Variants in ARRDC3 observed in about 807,000 individuals in gnomAD.
The protein encoded by ARRDC3 is arrestin domain-containing protein 3.
In ARRDC3, 10 loss-of-function variants were observed where a neutral mutation model predicts 47.2. That is an observed-to-expected ratio of 0.21 (90% CI 0.13 to 0.36). The LOEUF (loss-of-function observed/expected upper bound fraction) is 0.36. Among genes scored for constraint, ARRDC3 ranks in the 10% least tolerant of loss-of-function variants. The pLI is 1.00. For missense variants in ARRDC3, 381 were observed against 503.6 expected (o/e 0.76, Z 2.33); for synonymous variants, 156 against 178.3 (o/e 0.87, Z 1.00).
At chr5:91,374,337 T>G in intron 5 of ARRDC3, 61 bp from the exon 6 acceptor site, 1 of 1,450,424 alleles carries the variant, frequency 6.9e-7, no homozygotes, top group Non-Finnish European at 9.5e-7. Context: ...TTTCAAAAAC[T>G]CATAACCAAT....
Position 91,383,297 on chromosome 5 carries a change from C to T in ARRDC3, c.-205G>A. 1.9e-6 allele frequency: 1 copy of T among 525,980 alleles called. No homozygotes were observed. Among genetic ancestry groups the T allele is most frequent in the Non-Finnish European group, 3.3e-6 (1 of 304,540 alleles). 32.6% of individuals were successfully genotyped at this position (525,980 alleles called of 1,614,324 possible). A position where few individuals can be genotyped will look rare whatever the true frequency, so the allele number is the denominator to read the frequency against. On this transcript the variant is annotated 5_prime_UTR_variant, in exon 1 of 8. Transcript: ENST00000265138. ...TGCTGCTCCGCGCTCCCGCTCGTCT[C>T]AGTGGTCTCCTTACAAAGACGGGCG...
At chr5:91,380,739 A>G (rs2127077252) in intron 1 of ARRDC3, 1 of 152,414 alleles carries the variant, frequency 6.6e-6, no homozygotes, top group East Asian at 1.9e-4. Flanking sequence ...TCCATCTGAA[A>G]AGGATTTTCT....
At position 91,379,038 on chromosome 5, in the gene ARRDC3, C is replaced by A. The variant is rs116267613; in HGVS notation, c.281-263G>T. On this transcript the variant is annotated intron_variant, in intron 1 of 7. Transcript: ENST00000265138. ...TTTTATTTTTTCTAATGGAAAATGACCCAAACTGCAAAGCATCTGTTTATA... is the reference window on the plus strand; with the variant it reads ...TTTTATTTTTTCTAATGGAAAATGAACCAAACTGCAAAGCATCTGTTTATA... Among the ~76,000 whole-genome samples, 1,306 of 152,052 alleles carry A rather than the reference C, an allele frequency of 8.6e-3. 22 individuals carry two copies. The highest frequency in any genetic ancestry group is 0.03 in the African/African-American group (1,232 of 41,512).
At position 91,370,794 on chromosome 5, in the gene ARRDC3, A is replaced by G. The variant is rs1040575718; in HGVS notation, c.*606T>C. 1.3e-5 allele frequency: 2 copies of G among 152,518 alleles called. No individual in the cohort carries two copies. Among genetic ancestry groups the G allele is most frequent in the Non-Finnish European group, 2.9e-5 (2 of 68,030 alleles). The allele number at this position is 152,518 out of a possible 1,614,324, so 9.4% of individuals were successfully genotyped here. A position where few individuals can be genotyped will look rare whatever the true frequency, so the allele number is the denominator to read the frequency against. ...TGAAGGCATTTGATGTTTGTAAATA[A>G]ATCCACAATTGGATCCAAGCTGAAG... On this transcript the variant is annotated 3_prime_UTR_variant, in exon 8 of 8. Transcript: ENST00000265138.
chr5:91,382,542 G>A (rs1304911852), intron 1 of ARRDC3, among the ~76,000 whole-genome samples: 2 of 152,226 alleles, frequency 1.3e-5, no homozygotes, highest in Non-Finnish European at 2.9e-5. Flanking sequence ...TTATAAGTAA[G>A]GTGCAAATGG....
chr5:91,373,865 G>T, intron 6 of ARRDC3, 27 bp from the exon 7 acceptor site: 1 of 1,612,944 alleles, frequency 6.2e-7, no homozygotes, highest in South Asian at 1.1e-5. Flanking sequence ...CACGCAATTC[G>T]AACAGCATGT....
chr5:91,376,521 A>C, intron 3 of ARRDC3, 100 bp downstream of exon 3: 1 of 1,046,310 alleles, frequency 9.6e-7, no homozygotes, highest in South Asian at 1.9e-5. Context: ...AAAGAAAACC[A>C]GTATTTTTAA....
intron 1 of ARRDC3, among the ~76,000 whole-genome samples, chr5:91,379,620 A>G (rs959037001): frequency 1.4e-4 from 22 of 152,220 alleles, no homozygotes; most frequent in Middle Eastern, 3.4e-3. Flanking sequence ...TTTTTTTTCA[A>G]GTGGCATGAA....
At chr5:91,377,389 CTT>C (rs1274424259) in intron 2 of ARRDC3, among the ~76,000 whole-genome samples, 1 of 152,054 alleles carries the variant, frequency 6.6e-6, no homozygotes, top group African/African-American at 2.4e-5. Flanking sequence ...ATATAGTCCT[CTT>C]GATCTATGTC....
chr5:91,378,077 T>C (rs1799347602), intron 2 of ARRDC3, among the ~76,000 whole-genome samples: 1 of 152,086 alleles, frequency 6.6e-6, no homozygotes, highest in Non-Finnish European at 1.5e-5. Context: ...ATATACCACT[T>C]TCCTTTTTCC....
chr5:91,375,659 A>AC, intron 3 of ARRDC3, 46 bp from the exon 4 acceptor site: 31 of 1,201,938 alleles, frequency 2.6e-5, no homozygotes, highest in Non-Finnish European at 3.6e-5. Flanking sequence ...ATGGATTGGT[A>AC]CAATCAATAC....
intron 2 of ARRDC3, among the ~76,000 whole-genome samples, chr5:91,378,215 A>G (rs1050772363): frequency 2.6e-5 from 4 of 152,128 alleles, no homozygotes; most frequent in Non-Finnish European, 5.9e-5. Context: ...TTCATATCAG[A>G]AGAAAAACAT....
intron 6 of ARRDC3, 88 bp from the exon 7 acceptor site, chr5:91,373,926 A>T (rs552473939): frequency 6.5e-7 from 1 of 1,543,202 alleles, no homozygotes; most frequent in South Asian, 1.2e-5. Flanking sequence ...AAGCAACGTC[A>T]AGGTAAAATA....
Position 91,376,712 on chromosome 5 carries a change from G to C in ARRDC3, c.419C>G (p.Ala140Gly), listed in dbSNP as rs1187209710. ...TAGTAGCCAAGGCCTGTGCAATTCGGCTTTCACCCAATAGCGCACACTGCC... is the reference window on the plus strand; with the variant it reads ...TAGTAGCCAAGGCCTGTGCAATTCGCCTTTCACCCAATAGCGCACACTGCC... ...RHGSVRYWVK[A>G]ELHRPWLLPV... The change falls in exon 3 of 8, where the codon GCC (alanine) becomes GGC (glycine). Residue 140 changes from alanine to glycine, a missense_variant. Coordinates refer to ENST00000265138, the MANE Select transcript of ARRDC3 (RefSeq NM_020801.4). 1 of 1,613,798 alleles carries C rather than the reference G, an allele frequency of 6.2e-7. No individual in the cohort carries two copies. The highest frequency in any genetic ancestry group is 8.5e-7 in the Non-Finnish European group (1 of 1,179,896).
intron 1 of ARRDC3, among the ~76,000 whole-genome samples, chr5:91,382,078 A>G (rs2127078764): frequency 6.6e-6 from 1 of 151,206 alleles, no homozygotes; most frequent in Non-Finnish European, 1.5e-5. Context: ...ATTCCATTTG[A>G]CTGGCATGGG....
chr5:91,382,693 T>A, intron 1 of ARRDC3, 120 bp downstream of exon 1: 1 of 1,120,392 alleles, frequency 8.9e-7, no homozygotes, highest in Non-Finnish European at 1.3e-6. Context: ...CTTCCAACTT[T>A]GCTAACCTTT....
At position 91,375,087 on chromosome 5, in the gene ARRDC3, A is replaced by G; in HGVS notation, c.705T>C (p.Tyr235=). 1 of 1,614,210 alleles carries G rather than the reference A, an allele frequency of 6.2e-7. No individual in the cohort carries two copies. The highest frequency in any genetic ancestry group is 8.5e-7 in the Non-Finnish European group (1 of 1,180,026). Residue 235 remains tyrosine (Y), a synonymous_variant, in exon 5 of 8, where the codon TAT becomes TAC. Transcript: ENST00000265138. ...TTACTTCCTTCATTTTCCCTTTGGC[A>G]TAGAAGGCCTGTGTTTGGTAAATGG... The part of the protein sequence containing the change: ...KAAIYQTQAF[Y]AKGKMKEVKQ...
intron 3 of ARRDC3, 70 bp downstream of exon 3, chr5:91,376,551 T>C (rs995787029): frequency 5.7e-5 from 77 of 1,344,404 alleles, no homozygotes; most frequent in Middle Eastern, 2.6e-4. Context: ...ACTGCATAGT[T>C]TAGGTGATTG....
At position 91,371,396 on chromosome 5, in the gene ARRDC3, T is replaced by A. The variant is rs1799173660; in HGVS notation, c.*4A>T. ...ACATCAACTTGATTCAACCAAGTGT[T>A]CCTTCAACGAGAGGGGCAGGATGGT... On this transcript the variant is annotated 3_prime_UTR_variant, in exon 8 of 8. Coordinates refer to ENST00000265138, the MANE Select transcript of ARRDC3 (RefSeq NM_020801.4). 1 of 1,612,274 alleles carries A rather than the reference T, an allele frequency of 6.2e-7. No individual in the cohort carries two copies. Among genetic ancestry groups the A allele is most frequent in the Admixed American group, 1.7e-5 (1 of 59,942 alleles).
Sources: gnomAD v4.1 joint callset for allele counts (sites outside exome capture counted in the v4.1 genomes callset) on GRCh38, gnomAD v4.1.1 for gene constraint, MANE v1.5 for transcripts, NCBI Gene and HGNC (gene_info 2026-07-23, HGNC 2026-07-21) for gene names.